Variants in CNTN5 observed in about 807,000 individuals in gnomAD.
CNTN5 encodes contactin 5.
In CNTN5, 77 loss-of-function variants were observed where a neutral mutation model predicts 129.1. That is an observed-to-expected ratio of 0.60 (90% CI 0.50 to 0.72). CNTN5 has a LOEUF of 0.72. CNTN5 is among the 30% of genes least tolerant of loss of function. CNTN5 has a pLI of 0.00. For missense variants in CNTN5, 1,478 were observed against 1,328.8 expected (o/e 1.11, Z -1.75); for synonymous variants, 509 against 465.6 (o/e 1.09, Z -1.20).
chr11:99,528,017 C>T (rs1402783148), intron 2 of CNTN5, among the ~76,000 whole-genome samples: 2 of 152,134 alleles, frequency 1.3e-5, no homozygotes, highest in Non-Finnish European at 2.9e-5. Context: ...AAATCTAATG[C>T]ATTCCTTGGT....
At chr11:99,776,474 A>C (rs1945128526) in intron 3 of CNTN5, among the ~76,000 whole-genome samples, 1 of 151,810 alleles carries the variant, frequency 6.6e-6, no homozygotes, top group Admixed American at 6.6e-5. Flanking sequence ...TTTTGGGAAA[A>C]GAAAGTGGCT....
At chr11:100,008,415 A>G (rs538040743) in intron 9 of CNTN5, among the ~76,000 whole-genome samples, 10 of 152,204 alleles carry the variant, frequency 6.6e-5, no homozygotes, top group Admixed American at 2.0e-4. Context: ...GTGTCAAAAT[A>G]TAAGAGTTGG....
At chr11:100,223,630 A>G (rs1254936862) in intron 15 of CNTN5, among the ~76,000 whole-genome samples, 1 of 152,136 alleles carries the variant, frequency 6.6e-6, no homozygotes, top group Non-Finnish European at 1.5e-5. Context: ...ATGCCTCTCT[A>G]TGACTTTCAT....
At chr11:100,062,699 G>A (rs1943532088) in intron 10 of CNTN5, among the ~76,000 whole-genome samples, 1 of 152,158 alleles carries the variant, frequency 6.6e-6, no homozygotes, top group African/African-American at 2.4e-5. Context: ...AGCTAAACAG[G>A]GGAGAGCATC....
At chr11:99,515,469 T>A (rs1947011021) in intron 2 of CNTN5, among the ~76,000 whole-genome samples, 1 of 152,174 alleles carries the variant, frequency 6.6e-6, no homozygotes, top group African/African-American at 2.4e-5. Context: ...GACAAAGATA[T>A]CATCTGTCTT....
intron 1 of CNTN5, among the ~76,000 whole-genome samples, chr11:99,054,809 C>T (rs773166995): frequency 1.1e-4 from 16 of 151,654 alleles, no homozygotes; most frequent in Admixed American, 2.0e-4. Flanking sequence ...ATTGATAAGT[C>T]GACTTGAATA....
chr11:99,466,288 C>G lies in CNTN5; in HGVS notation c.-70-89857C>G, dbSNP rs573768647. Among the ~76,000 whole-genome samples, 7 of 152,210 alleles carry G rather than the reference C, an allele frequency of 4.6e-5. 1 individual carries two copies. In the South Asian group the frequency reaches 1.5e-3, roughly 32 times the overall value. On this transcript the variant is annotated intron_variant, in intron 2 of 24. Transcript: ENST00000524871. ...CCCAATCAATCACCTCTTACCAGTC[C>G]CCTCTTCCAACATTGGGTATTACAA...
intron 6 of CNTN5, among the ~76,000 whole-genome samples, chr11:99,854,460 G>T (rs1230687475): frequency 6.6e-6 from 1 of 152,028 alleles, no homozygotes. Context: ...CAGGTAAAAA[G>T]GGCTTGAATT....
At position 99,964,779 on chromosome 11, in the gene CNTN5, C is replaced by T. The variant is rs572286478; in HGVS notation, c.877+7770C>T. On this transcript the variant is annotated intron_variant, in intron 8 of 24. Coordinates refer to ENST00000524871, the MANE Select transcript of CNTN5 (RefSeq NM_014361.4). ...CTCTGGTAGAATTCAGCTGTGAATCCATCTGGTCCTGGACTTTTTTTTGGT... is the reference window on the plus strand; with the variant it reads ...CTCTGGTAGAATTCAGCTGTGAATCTATCTGGTCCTGGACTTTTTTTTGGT... 1.9e-3 allele frequency among the ~76,000 whole-genome samples: 296 copies of T among 152,234 alleles called. 1 individual carries two copies. The highest frequency in any genetic ancestry group is 6.3e-3 in the African/African-American group (263 of 41,526).
At chr11:99,715,900 A>G (rs920460817) in intron 3 of CNTN5, among the ~76,000 whole-genome samples, 2 of 151,982 alleles carry the variant, frequency 1.3e-5, no homozygotes, top group African/African-American at 4.8e-5. Flanking sequence ...ATTGATTTCC[A>G]TATATTATTT....
At chr11:99,320,374 T>A (rs561543758) in intron 1 of CNTN5, among the ~76,000 whole-genome samples, 13 of 152,280 alleles carry the variant, frequency 8.5e-5, no homozygotes, top group African/African-American at 3.1e-4. Flanking sequence ...GAAGGGACAA[T>A]GAAAGGAAGC....
intron 4 of CNTN5, among the ~76,000 whole-genome samples, chr11:99,842,784 A>G (rs1947554433): frequency 6.6e-6 from 1 of 152,230 alleles, no homozygotes; most frequent in Non-Finnish European, 1.5e-5. Flanking sequence ...GCAACAACAA[A>G]TACAAAATTT....
chr11:100,090,462 T>A (rs1345778272), intron 13 of CNTN5, among the ~76,000 whole-genome samples: 1 of 54,900 alleles, frequency 1.8e-5, no homozygotes, highest in Non-Finnish European at 3.0e-5. Flanking sequence ...TCTTTCTCTT[T>A]CTTTCTTTTT....
At chr11:100,170,546 TAC>T (rs993126074) in intron 13 of CNTN5, among the ~76,000 whole-genome samples, 1 of 152,060 alleles carries the variant, frequency 6.6e-6, no homozygotes, top group African/African-American at 2.4e-5. Flanking sequence ...TTTTTGTACT[TAC>T]AGTTATCCCC....
intron 2 of CNTN5, among the ~76,000 whole-genome samples, chr11:99,390,056 G>A (rs1220522189): frequency 6.6e-6 from 1 of 152,024 alleles, no homozygotes; most frequent in Admixed American, 6.6e-5. Flanking sequence ...CATATAGTAG[G>A]TATATGACAT....
At chr11:100,099,551 G>GATA (rs1229410874) in intron 13 of CNTN5, among the ~76,000 whole-genome samples, 1 of 151,438 alleles carries the variant, frequency 6.6e-6, no homozygotes, top group Admixed American at 6.6e-5. Flanking sequence ...ATCACAAGGG[G>GATA]ATAACTACAC....
intron 4 of CNTN5, among the ~76,000 whole-genome samples, chr11:99,823,870 G>A (rs1424747129): frequency 6.6e-6 from 1 of 151,916 alleles, no homozygotes. Flanking sequence ...TATGTGTGAA[G>A]CCTATAAAGT....
chr11:99,719,591 C>A (rs1943097871), intron 3 of CNTN5, among the ~76,000 whole-genome samples: 1 of 151,820 alleles, frequency 6.6e-6, no homozygotes, highest in East Asian at 1.9e-4. Context: ...CAAAAAGTTA[C>A]AAAGATCTCA....
At chr11:99,443,682 C>A (rs1257062732) in intron 2 of CNTN5, among the ~76,000 whole-genome samples, 1 of 152,120 alleles carries the variant, frequency 6.6e-6, no homozygotes, top group African/African-American at 2.4e-5. Context: ...GACAGTGCTA[C>A]CTAGATTACA....
Sources: allele counts gnomAD v4.1 joint callset (sites outside exome capture counted in the v4.1 genomes callset), GRCh38; gene constraint gnomAD v4.1.1; transcripts MANE v1.5; gene names NCBI Gene and HGNC (gene_info 2026-07-23, HGNC 2026-07-21).